Variants in KDM6B observed in about 807,000 individuals in gnomAD.
KDM6B encodes the protein lysine demethylase 6B, also known as lysine-specific demethylase 6B.
Under a neutral mutation model 150.4 loss-of-function variants are expected in KDM6B, and 22 were observed. The ratio of observed to expected loss-of-function variants is 0.15; its 90% CI spans 0.10 to 0.21. The LOEUF is 0.21. KDM6B is among the 10% of genes least tolerant of loss of function. KDM6B has a pLI of 1.00. For missense variants in KDM6B, 1,984 were observed against 2,234.3 expected (o/e 0.89, Z 2.26); for synonymous variants, 1,148 against 921.1 (o/e 1.25, Z -4.46).
intron 2 of KDM6B, among the ~76,000 whole-genome samples, chr17:7,841,853 G>A (rs943056391): frequency 1.3e-5 from 2 of 152,146 alleles, no homozygotes; most frequent in Admixed American, 1.3e-4. Context: ...TGCCCGGGTG[G>A]CTGAGTCACA....
At chr17:7,837,476 A>G (rs933418027) in intron 1 of KDM6B, among the ~76,000 whole-genome samples, 2 of 152,128 alleles carry the variant, frequency 1.3e-5, no homozygotes, top group African/African-American at 4.8e-5. Context: ...GTTGATTGCT[A>G]TGGTTGTTCT....
chr17:7,846,388 C>T lies in KDM6B; in HGVS notation c.457-12C>T, dbSNP rs2078538099. 6.4e-7 allele frequency: 1 copy of T among 1,560,866 alleles called. No homozygotes were observed. The highest frequency in any genetic ancestry group is 8.7e-7 in the Non-Finnish European group (1 of 1,147,342). On this transcript the variant is annotated splice_polypyrimidine_tract_variant and intron_variant, in intron 7 of 23. Transcript: ENST00000448097. ...TGACATCTGCCCCTGCCCCGTGTCC[C>T]CCCACCCCCAGGCCCAGCTCTGGAA... is the stretch of plus-strand genomic sequence containing the variant.
At chr17:7,840,663 G>C (rs1489650237) in intron 2 of KDM6B, 1 of 152,202 alleles carries the variant, frequency 6.6e-6, no homozygotes, top group East Asian at 1.9e-4. Flanking sequence ...TAATCCCTAA[G>C]CCAGGGGCTT....
At chr17:7,837,211 C>T (rs75531890) in intron 1 of KDM6B, among the ~76,000 whole-genome samples, 4,889 of 152,228 alleles carry the variant, frequency 0.032, 99 homozygotes, top group Non-Finnish European at 0.051. Context: ...GCTGCATGGC[C>T]AAGTGTCCTA....
In KDM6B at chr17:7,848,203, G is replaced by A. The variant is rs768300966; in HGVS notation, c.1915G>A (p.Glu639Lys). ...RPRVSFPKTP[E>K]VGPGPPPGPL... is the part of the protein sequence containing the mutation. The stretch of plus-strand genomic sequence containing the variant: ...CAGGGTCTCCTTCCCAAAGACCCCC[G>A]AGGTGGGGCCGGGGCCACCCCCAGG... The change falls in exon 12 of 24, where the codon GAG (glutamate) becomes AAG (lysine). Residue 639 changes from glutamate to lysine, a missense_variant. Around this residue, in one of 13 missense-constraint regions of KDM6B, gnomAD observed 1,379 missense variants for 1,275.6 expected, o/e 1.08. Transcript: ENST00000448097. The A allele has an allele frequency of 1.1e-5, 17 of 1,611,206 alleles. No individual in the cohort carries two copies. Among genetic ancestry groups the A allele is most frequent in the Admixed American group, 8.3e-5 (5 of 59,976 alleles).
chr17:7,853,584 T>C lies in KDM6B; in HGVS notation c.*63T>C. ...CGCCGCGGGGCCACCAGCACATGCC[T>C]GGGCTGGACCTAGGTCCCGCCTGTG... On this transcript the variant is annotated 3_prime_UTR_variant, in exon 24 of 24. Transcript: ENST00000448097. 7.8e-7 allele frequency: 1 copy of C among 1,279,516 alleles called. No individual in the cohort carries two copies. Among genetic ancestry groups the C allele is most frequent in the Non-Finnish European group, 1.0e-6 (1 of 994,970 alleles). The allele number at this position is 1,279,516 out of a possible 1,614,324, so 79.3% of individuals were successfully genotyped here.
chr17:7,843,814 G>C lies in KDM6B; in HGVS notation c.-268-1087G>C, dbSNP rs1050897418. 6.6e-6 allele frequency among the ~76,000 whole-genome samples: 1 copy of C among 152,168 alleles called. No individual in the cohort carries two copies. The highest frequency in any genetic ancestry group is 1.5e-5 in the Non-Finnish European group (1 of 68,014). On this transcript the variant is annotated intron_variant, in intron 2 of 23. Transcript: ENST00000448097. The surrounding 1 kb of genome is among the most constrained non-coding windows in gnomAD (Gnocchi z 4.5). Reference sequence around the variant, plus strand: ...GGGACGCCGGGTAGGCAAGGAGGAGGCGCGGGGACGCAGCTCCTGGGCTCA... The same window carrying C: ...GGGACGCCGGGTAGGCAAGGAGGAGCCGCGGGGACGCAGCTCCTGGGCTCA...
rs774127806 is a variant in KDM6B at position 7,846,615 on chromosome 17, C to G, written c.586C>G (p.Pro196Ala). 1.9e-6 allele frequency: 3 copies of G among 1,613,990 alleles called. No homozygotes were observed. Among genetic ancestry groups the G allele is most frequent in the African/African-American group, 1.3e-5 (1 of 74,900 alleles). The change falls in exon 9 of 24, where the codon CCG becomes GCG. Residue 196 changes from proline (P) to alanine (A), a missense_variant. Coordinates refer to ENST00000448097, the MANE Select transcript of KDM6B (RefSeq NM_001348716.2). ...CTATGGAGCCAAGCGGGGAGGTCCC[C>G]CGGTGAAGCGAGCTGCTGAACCCCC... is the stretch of plus-strand genomic sequence containing the variant. ...RNYGAKRGGP[P>A]VKRAAEPPVV...
chr17:7,845,193 A>G (rs1196695205), intron 3 of KDM6B, 121 bp from the exon 4 acceptor site: 3 of 394,268 alleles, frequency 7.6e-6, no homozygotes, highest in Non-Finnish European at 1.4e-5. Context: ...CTTTGGGGAA[A>G]GCTAAGGCCG....
intron 1 of KDM6B, among the ~76,000 whole-genome samples, chr17:7,835,977 C>A (rs1283553868): frequency 6.6e-6 from 1 of 152,244 alleles, no homozygotes; most frequent in East Asian, 1.9e-4. Flanking sequence ...CCAGCTGGCG[C>A]CCCACACTCC....
intron 1 of KDM6B, among the ~76,000 whole-genome samples, chr17:7,836,652 C>A (rs911219594): frequency 1.3e-5 from 2 of 152,200 alleles, no homozygotes; most frequent in South Asian, 4.1e-4. Flanking sequence ...GGGCTGCAGG[C>A]GGAGAGGAGG....
Position 7,847,570 on chromosome 17 carries a change from C to G in KDM6B, c.1282C>G (p.Pro428Ala), listed in dbSNP as rs769456998. ...GCCCGGCGCTGACCATTACCAAACT[C>G]CCGCGCTGGAGGTCTCTCACCATGG... ...GIPGADHYQT[P>A]ALEVSHHGRL... is the part of the protein sequence containing the mutation. Residue 428 changes from proline (P) to alanine (A), a missense_variant, in exon 12 of 24, where the codon CCC (proline) becomes GCC (alanine). By Grantham distance (27) the Pro-to-Ala change is conservative. Around this residue, in one of 13 missense-constraint regions of KDM6B, gnomAD observed 1,379 missense variants for 1,275.6 expected, o/e 1.08. Coordinates refer to ENST00000448097, the MANE Select transcript of KDM6B (RefSeq NM_001348716.2). 6 of 1,613,234 alleles carry G rather than the reference C, an allele frequency of 3.7e-6. No individual in the cohort carries two copies. In the Admixed American group the frequency reaches 6.7e-5, roughly 18 times the overall value.
rs201070294 is a variant in KDM6B, at chr17:7,849,004, C to T, written c.2716C>T (p.Pro906Ser). 11 of 1,596,046 alleles carry T rather than the reference C, an allele frequency of 6.9e-6. No individual in the cohort carries two copies. The highest frequency in any genetic ancestry group is 1.7e-4 in the Middle Eastern group (1 of 5,898). The stretch of plus-strand genomic sequence containing the variant: ...ACCGCCCCCACCCCTATCTCTGCCC[C>T]CTGCTCGCTCTGAGTCTGAGGTGCT... ...TQPPPPLSLP[P>S]ARSESEVLEE... is the part of the protein sequence containing the mutation. The change falls in exon 12 of 24, where the codon CCT (proline) becomes TCT (serine). Residue 906 changes from proline to serine, a missense_variant. Coordinates refer to ENST00000448097, the MANE Select transcript of KDM6B (RefSeq NM_001348716.2).
intron 11 of KDM6B, 24 bp downstream of exon 11, chr17:7,847,476 G>C (rs553125163): frequency 7.4e-6 from 12 of 1,613,568 alleles, no homozygotes; most frequent in East Asian, 6.7e-5. Flanking sequence ...GAGGGTGGAG[G>C]GGGGGATGGG....
At position 7,852,242 on chromosome 17, in the gene KDM6B, C is replaced by T. The variant is rs1321172799; in HGVS notation, c.4374C>T (p.Pro1458=). The change falls in exon 20 of 24, where the codon CCC becomes CCT. Residue 1458 remains proline (P), a synonymous_variant. Coordinates refer to ENST00000448097, the MANE Select transcript of KDM6B (RefSeq NM_001348716.2). ...CTGTGTACCGCTTCGTGCAGCGACC[C>T]GGAGACCTCGTGTGGATTAATGCGG... The part of the protein sequence containing the change: ...NIPVYRFVQR[P]GDLVWINAGT... 4 of 1,614,090 alleles carry T rather than the reference C, an allele frequency of 2.5e-6. No homozygotes were observed. The highest frequency in any genetic ancestry group is 2.2e-5 in the East Asian group (1 of 44,882).
rs148331138 is a variant in KDM6B at position 7,846,166 on chromosome 17, C to T, written c.325C>T (p.Leu109Phe). The T allele has an allele frequency of 5.4e-5, 87 of 1,613,848 alleles. No individual in the cohort carries two copies. The highest frequency in any genetic ancestry group is 6.8e-5 in the Non-Finnish European group (80 of 1,179,998). The change falls in exon 7 of 24, where the codon CTT (leucine) becomes TTT (phenylalanine). Residue 109 changes from leucine to phenylalanine, a missense_variant. Physicochemically the swap from Leu to Phe is conservative, Grantham distance 22 (BLOSUM62 0). This residue lies in a region of KDM6B where 337 missense variants were observed against 323.9 expected (regional missense o/e 1.04). Transcript: ENST00000448097. ...ALLREPAQPG[L>F]WEQLGQLYES... ...GCTCCGGGAGCCAGCCCAGCCAGGG[C>T]TTTGGGAACAGCTTGGGCAACTGTA...
At position 7,852,393 on chromosome 17, in the gene KDM6B, G is replaced by A; in HGVS notation, c.4468+57G>A. On this transcript the variant is annotated intron_variant, in intron 20 of 23. Transcript: ENST00000448097. ...TGGCGCCTCAGCGGCAAGGGCCTGGGAGGCTGGGGCTTGGAGAGCCGCCAG... is the reference window on the plus strand; with the variant it reads ...TGGCGCCTCAGCGGCAAGGGCCTGGAAGGCTGGGGCTTGGAGAGCCGCCAG... The A allele has an allele frequency of 4.4e-6, 7 of 1,599,922 alleles. No individual in the cohort carries two copies. The South Asian group carries it at 7.7e-5, about 18-fold the overall frequency.
In KDM6B at chr17:7,849,466, G is replaced by A. The variant is rs769382621; in HGVS notation, c.3178G>A (p.Ala1060Thr). The change falls in exon 12 of 24, where the codon GCC becomes ACC. Residue 1060 changes from alanine (A) to threonine (T), a missense_variant. By Grantham distance (58) the Ala-to-Thr change is moderately conservative. Transcript: ENST00000448097. Reference sequence around the variant, plus strand: ...CCCTCCATCAGCTCCTGCACCTTCTGCCCAGCCCACACCCCCGTCAGCCTC... The same window carrying A: ...CCCTCCATCAGCTCCTGCACCTTCTACCCAGCCCACACCCCCGTCAGCCTC... Reference protein sequence around the residue: ...PAPPSAPAPSAQPTPPSASVP... With the variant: ...PAPPSAPAPSTQPTPPSASVP... The A allele has an allele frequency of 6.2e-7, 1 of 1,612,698 alleles. No individual in the cohort carries two copies. The highest frequency in any genetic ancestry group is 8.5e-7 in the Non-Finnish European group (1 of 1,179,876).
In KDM6B at chr17:7,846,278, G is replaced by T. The variant is rs748522794; in HGVS notation, c.437G>T (p.Arg146Leu). ...GGAAGCTTCGCTGAGCTGGGGCCCC[G>T]CATTGGCCGACTGCAGCAGGTAGGA... The part of the protein sequence containing the change: ...YGGSFAELGP[R>L]IGRLQQAQLW... Residue 146 changes from arginine to leucine, a missense_variant, in exon 7 of 24, where the codon CGC becomes CTC. By Grantham distance (102) the Arg-to-Leu change is moderately radical (BLOSUM62 -2). This residue lies in a region of KDM6B where 337 missense variants were observed against 323.9 expected (regional missense o/e 1.04). Coordinates refer to ENST00000448097, the MANE Select transcript of KDM6B (RefSeq NM_001348716.2). 2.5e-6 allele frequency: 4 copies of T among 1,613,004 alleles called. No homozygotes were observed. The highest frequency in any genetic ancestry group is 3.4e-6 in the Non-Finnish European group (4 of 1,179,564).
Sources: gnomAD v4.1 joint callset for allele counts (sites outside exome capture counted in the v4.1 genomes callset) on GRCh38, gnomAD v4.1.1 for gene constraint, gnomAD v4.1.1 regional missense constraint, Gnocchi (gnomAD v3.1) non-coding constraint, MANE v1.5 for transcripts, NCBI Gene and HGNC (gene_info 2026-07-23, HGNC 2026-07-21) for gene names.